The following STX17 variants were observed in gnomAD, a reference collection of about 807,000 sequenced individuals.
The protein encoded by STX17 is syntaxin 17.
STX17 carries 29 observed loss-of-function variants against 35.9 expected under a neutral mutation model. The observed-to-expected ratio is 0.81, with a 90% CI of 0.60 to 1.10. STX17 has a LOEUF of 1.10. Ranked by LOEUF, STX17 falls within the 50% of genes least tolerant of loss-of-function variation. The pLI, the probability that STX17 is intolerant of heterozygous loss-of-function variation, is 0.00. For synonymous variants in STX17, 92 were observed against 118.3 expected (o/e 0.78, Z 1.44); for missense variants, 312 against 352.3 (o/e 0.89, Z 0.92).
intron 1 of STX17, among the ~76,000 whole-genome samples, chr9:99,907,571 A>C (rs1828576657): frequency 6.6e-6 from 1 of 152,192 alleles, no homozygotes; most frequent in Non-Finnish European, 1.5e-5. Context: ...CCCTCTCTCC[A>C]AGTATTAATG....
intron 3 of STX17, among the ~76,000 whole-genome samples, chr9:99,931,134 C>A (rs1392832445): frequency 6.6e-6 from 1 of 152,144 alleles, no homozygotes; most frequent in African/African-American, 2.4e-5. Flanking sequence ...ATGCGTGCCA[C>A]CATGCCCAGC....
chr9:99,942,063 T>A (rs2118436019), intron 3 of STX17, among the ~76,000 whole-genome samples: 1 of 152,352 alleles, frequency 6.6e-6, no homozygotes, highest in Admixed American at 6.5e-5. Flanking sequence ...TCCAAAACAG[T>A]AATGTTAATT....
intron 1 of STX17, among the ~76,000 whole-genome samples, chr9:99,910,422 T>A (rs1828636627): frequency 6.6e-6 from 1 of 152,204 alleles, no homozygotes; most frequent in African/African-American, 2.4e-5. Flanking sequence ...ATGTTTCTGG[T>A]AGGAACATAA....
intron 3 of STX17, chr9:99,929,194 G>A (rs1316730633): frequency 6.2e-6 from 1 of 160,956 alleles, no homozygotes; most frequent in African/African-American, 2.4e-5. Context: ...ATACTTTGAA[G>A]GGTGAACTTT....
At chr9:99,948,017 G>A (rs1829518675) in intron 3 of STX17, among the ~76,000 whole-genome samples, 1 of 151,450 alleles carries the variant, frequency 6.6e-6, no homozygotes, top group Non-Finnish European at 1.5e-5. Flanking sequence ...AGCCATTAGT[G>A]GGAAGGTTAG....
In STX17 at chr9:99,973,979, C is replaced by A. The variant is rs2253297; in HGVS notation, c.*5306C>A. On this transcript the variant is annotated 3_prime_UTR_variant, in exon 8 of 8. Transcript: ENST00000259400. ...GGTAATAAACCATGTTTACATTTTT[C>A]TGGTCTAAAATAATTTCTATATTAC... 1.0e-2 allele frequency among the ~76,000 whole-genome samples: 1,522 copies of A among 152,278 alleles called. 13 individuals are homozygous for A. Among genetic ancestry groups the A allele is most frequent in the Non-Finnish European group, 0.016 (1,073 of 68,010 alleles).
chr9:99,911,540 C>T (rs1828664834), intron 1 of STX17, among the ~76,000 whole-genome samples: 1 of 152,064 alleles, frequency 6.6e-6, no homozygotes, highest in Non-Finnish European at 1.5e-5. Context: ...ATTGCTGGAT[C>T]ATATGGTAGT....
chr9:99,943,717 G>A (rs1006006331), intron 3 of STX17, among the ~76,000 whole-genome samples: 4 of 152,242 alleles, frequency 2.6e-5, no homozygotes, highest in East Asian at 1.9e-4. Flanking sequence ...TAAATTGCTG[G>A]TGTTTCTTTA....
At chr9:99,940,116 T>C (rs1587926854) in intron 3 of STX17, among the ~76,000 whole-genome samples, 1 of 152,180 alleles carries the variant, frequency 6.6e-6, no homozygotes, top group Non-Finnish European at 1.5e-5. Flanking sequence ...TTCTTTCTTA[T>C]CAGATTAACT....
intron 6 of STX17, among the ~76,000 whole-genome samples, chr9:99,963,733 A>G (rs1829867351): frequency 6.6e-6 from 1 of 152,036 alleles, no homozygotes; most frequent in Non-Finnish European, 1.5e-5. Flanking sequence ...TCCCTTTCCA[A>G]CTGCTGAATC....
chr9:99,962,263 ATT>A (rs1829842932), intron 6 of STX17, among the ~76,000 whole-genome samples: 1 of 152,192 alleles, frequency 6.6e-6, no homozygotes, highest in Non-Finnish European at 1.5e-5. Context: ...GAAGCAAAAT[ATT>A]TGAAGTTTCT....
In STX17 at chr9:99,970,222, G is replaced by A. The variant is rs1469969507; in HGVS notation, c.*1549G>A. On this transcript the variant is annotated 3_prime_UTR_variant, in exon 8 of 8. Transcript: ENST00000259400. ...TTTACTTTTAGTAACTTTTATTGAT[G>A]GCTACCTTTCATGTCCCTGTCTAAA... 1 of 151,984 alleles carries A rather than the reference G, an allele frequency of 6.6e-6. No individual in the cohort carries two copies. The highest frequency in any genetic ancestry group is 1.5e-5 in the Non-Finnish European group (1 of 67,986). The allele number at this position is 151,984 out of a possible 1,614,324, so 9.4% of individuals were successfully genotyped here. A position where few individuals can be genotyped will look rare whatever the true frequency, so the allele number is the denominator to read the frequency against.
intron 2 of STX17, 81 bp from the exon 3 acceptor site, chr9:99,928,697 G>A: frequency 2.5e-6 from 3 of 1,212,494 alleles, no homozygotes; most frequent in Middle Eastern, 2.0e-4. Flanking sequence ...GTTTGGGTGG[G>A]TGAGTGGGGA....
At chr9:99,911,714 C>CT (rs1247469909) in intron 1 of STX17, among the ~76,000 whole-genome samples, 5 of 151,954 alleles carry the variant, frequency 3.3e-5, no homozygotes, top group Admixed American at 3.3e-4. Flanking sequence ...GTCACTGGGA[C>CT]TACAGGCACC....
chr9:99,952,889 GA>G (rs1829631447), intron 4 of STX17, among the ~76,000 whole-genome samples: 1 of 136,048 alleles, frequency 7.4e-6, no homozygotes, highest in East Asian at 2.6e-4. Context: ...GGGGTAGGGG[GA>G]GGGGGGAGGG....
chr9:99,942,030 T>C (rs1258275374), intron 3 of STX17, among the ~76,000 whole-genome samples: 1 of 152,222 alleles, frequency 6.6e-6, no homozygotes, highest in Non-Finnish European at 1.5e-5. Flanking sequence ...CTTTCAACTT[T>C]AGTAAGTAAT....
At chr9:99,925,786 CTTTA>C (rs892557240) in intron 2 of STX17, among the ~76,000 whole-genome samples, 5 of 151,758 alleles carry the variant, frequency 3.3e-5, no homozygotes, top group Non-Finnish European at 7.4e-5. Flanking sequence ...AGATGTTTTT[CTTTA>C]TTTATTTTAA....
chr9:99,958,479 A>G (rs1421500113), intron 4 of STX17, among the ~76,000 whole-genome samples: 1 of 152,266 alleles, frequency 6.6e-6, no homozygotes, highest in East Asian at 1.9e-4. Flanking sequence ...TTTATTGAGC[A>G]CTTGTACTTT....
intron 3 of STX17, among the ~76,000 whole-genome samples, chr9:99,933,702 T>C (rs1829171817): frequency 6.6e-6 from 1 of 152,142 alleles, no homozygotes; most frequent in South Asian, 2.1e-4. Flanking sequence ...CCCCCACCAA[T>C]AGGTGGAGTC....
Sources: gnomAD v4.1 joint callset for allele counts (sites outside exome capture counted in the v4.1 genomes callset) on GRCh38, gnomAD v4.1.1 for gene constraint, MANE v1.5 for transcripts, NCBI Gene and HGNC (gene_info 2026-07-23, HGNC 2026-07-21) for gene names.